The following PTPN2 variants were observed in gnomAD, a reference collection of about 807,000 sequenced individuals.
PTPN2 encodes tyrosine-protein phosphatase non-receptor type 2.
Under a neutral mutation model 57.3 loss-of-function variants are expected in PTPN2, and 19 were observed. The ratio of observed to expected loss-of-function variants is 0.33; its 90% CI spans 0.23 to 0.49. PTPN2 has a LOEUF of 0.49. Ranked by LOEUF, PTPN2 falls within the 20% of genes least tolerant of loss-of-function variation. The pLI, the probability that PTPN2 is intolerant of heterozygous loss-of-function variation, is 0.99. For synonymous variants in PTPN2, 153 were observed against 164.9 expected (o/e 0.93, Z 0.55); for missense variants, 358 against 501.1 (o/e 0.71, Z 2.73).
At chr18:12,863,302 T>G (rs148085081) in intron 1 of PTPN2, 27 of 152,044 alleles carry the variant, frequency 1.8e-4, no homozygotes, top group African/African-American at 5.8e-4. Context: ...GCCAAAAAAT[T>G]TTTTTAATTA....
chr18:12,846,246 T>A (rs2043201951), intron 2 of PTPN2, among the ~76,000 whole-genome samples: 1 of 152,208 alleles, frequency 6.6e-6, no homozygotes, highest in East Asian at 1.9e-4. Context: ...GAGGTACTAT[T>A]CCTCTTCTTA....
intron 1 of PTPN2, among the ~76,000 whole-genome samples, chr18:12,874,344 G>C (rs1157161887): frequency 7.2e-6 from 1 of 138,644 alleles, no homozygotes; most frequent in African/African-American, 2.7e-5. Context: ...CGTCTGGGAG[G>C]TGAGGGGCGC....
At chr18:12,833,286 T>G (rs1001791849) in intron 3 of PTPN2, among the ~76,000 whole-genome samples, 3 of 152,156 alleles carry the variant, frequency 2.0e-5, no homozygotes, top group African/African-American at 7.2e-5. Flanking sequence ...AAGAGCTGGG[T>G]TACTGCATCT....
intron 3 of PTPN2, among the ~76,000 whole-genome samples, chr18:12,834,665 C>A (rs964406795): frequency 6.6e-6 from 1 of 151,500 alleles, no homozygotes; most frequent in East Asian, 1.9e-4. Flanking sequence ...TCTACCCTAT[C>A]TTAGGTTACA....
intron 7 of PTPN2, among the ~76,000 whole-genome samples, chr18:12,807,137 C>T (rs1335384935): frequency 2.6e-5 from 4 of 151,966 alleles, no homozygotes; most frequent in Non-Finnish European, 5.9e-5. Flanking sequence ...ACCTGAATAG[C>T]CATTTCTTAA....
intron 2 of PTPN2, among the ~76,000 whole-genome samples, chr18:12,857,028 TCCAGCCTGGGTAACAGAGTGAGACA>T (rs1343132520): frequency 7.8e-4 from 95 of 122,220 alleles, no homozygotes; most frequent in African/African-American, 2.9e-3. Flanking sequence ...GCCACTGCAC[TCCAGCCTGGGTAACAGAGTGAGACA>T]CCATCTCAAA....
intron 5 of PTPN2, 30 bp downstream of exon 5, chr18:12,825,780 G>C: frequency 1.9e-6 from 3 of 1,580,808 alleles, no homozygotes; most frequent in Non-Finnish European, 2.6e-6. Context: ...ATCATATAAA[G>C]TCCACAATTT....
chr18:12,828,441 G>T (rs1261724232), intron 4 of PTPN2, among the ~76,000 whole-genome samples: 1 of 152,254 alleles, frequency 6.6e-6, no homozygotes, highest in African/African-American at 2.4e-5. Flanking sequence ...ATTAAAAATT[G>T]TAAACCATTT....
chr18:12,807,352 A>G (rs1452024547), intron 7 of PTPN2, among the ~76,000 whole-genome samples: 2 of 151,888 alleles, frequency 1.3e-5, no homozygotes, highest in Non-Finnish European at 2.9e-5. Context: ...TAGTACAGCC[A>G]TCTTGGAAAA....
intron 1 of PTPN2, among the ~76,000 whole-genome samples, chr18:12,874,011 G>A (rs2044373973): frequency 6.6e-6 from 1 of 150,522 alleles, no homozygotes; most frequent in African/African-American, 2.5e-5. Context: ...CCTCCACCTG[G>A]CAACCGCCCC....
At chr18:12,874,969 T>C (rs2044436545) in intron 1 of PTPN2, among the ~76,000 whole-genome samples, 1 of 152,044 alleles carries the variant, frequency 6.6e-6, no homozygotes, top group Non-Finnish European at 1.5e-5. Flanking sequence ...CTAAGAAAAA[T>C]TCTTCTGCCT....
chr18:12,870,405 G>GTA lies in PTPN2; in HGVS notation c.70-11153_70-11152dup, dbSNP rs1183023255. On this transcript the variant is annotated intron_variant, in intron 1 of 8. Coordinates refer to ENST00000309660, the MANE Select transcript of PTPN2 (RefSeq NM_002828.4). ...TATACGTATATATGTATATATACAC[G>GTA]TATATATATGTATATATATACGTAT... Among the ~76,000 whole-genome samples, 7 of 46,602 alleles carry GTA rather than the reference G, an allele frequency of 1.5e-4. 1 individual carries two copies. In the East Asian group the frequency reaches 3.8e-3, roughly 25 times the overall value. The allele number at this position is 46,602 out of a possible 152,430, so 30.6% of individuals were successfully genotyped here.
intron 7 of PTPN2, among the ~76,000 whole-genome samples, chr18:12,810,564 G>C (rs1407662455): frequency 1.3e-5 from 2 of 152,164 alleles, no homozygotes; most frequent in Non-Finnish European, 2.9e-5. Context: ...TCCTGTCTCA[G>C]ATTCCTGAGT....
chr18:12,869,726 C>T (rs2044121336), intron 1 of PTPN2, among the ~76,000 whole-genome samples: 1 of 152,054 alleles, frequency 6.6e-6, no homozygotes, highest in Non-Finnish European at 1.5e-5. Context: ...AAGGTAGGAC[C>T]TTAAGATAAT....
intron 5 of PTPN2, among the ~76,000 whole-genome samples, chr18:12,822,048 A>C (rs144340378): frequency 6.6e-6 from 1 of 152,324 alleles, no homozygotes; most frequent in East Asian, 1.9e-4. Context: ...AGAATGATAA[A>C]ATTTAAATTA....
chr18:12,813,771 C>A (rs1202758810), intron 7 of PTPN2, among the ~76,000 whole-genome samples: 1 of 152,122 alleles, frequency 6.6e-6, no homozygotes, highest in Non-Finnish European at 1.5e-5. Context: ...GAGAATAAAG[C>A]CACCAACCAG....
In PTPN2 at chr18:12,836,909, T is replaced by A; in HGVS notation, c.161-18A>T. The A allele has an allele frequency of 6.9e-7, 1 of 1,453,434 alleles. No homozygotes were observed. Among genetic ancestry groups the A allele is most frequent in the Non-Finnish European group, 9.6e-7 (1 of 1,038,354 alleles). The allele number at this position is 1,453,434 out of a possible 1,614,324, so 90.0% of individuals were successfully genotyped here. On this transcript the variant is annotated intron_variant, in intron 2 of 8. Transcript: ENST00000309660. The stretch of plus-strand genomic sequence containing the variant: ...GTGATCATCTGAAAATAGAGAATGA[T>A]AAACCACAACTGTCATTTCAAAATT...
At chr18:12,868,349 G>T (rs1452477861) in intron 1 of PTPN2, among the ~76,000 whole-genome samples, 2 of 152,034 alleles carry the variant, frequency 1.3e-5, no homozygotes, top group Non-Finnish European at 2.9e-5. Flanking sequence ...CGCCTCCCGG[G>T]TTCAAGTGAA....
At chr18:12,815,681 T>A (rs1261421710) in intron 6 of PTPN2, among the ~76,000 whole-genome samples, 1 of 152,212 alleles carries the variant, frequency 6.6e-6, no homozygotes, top group Non-Finnish European at 1.5e-5. Context: ...TTGATTGAAG[T>A]ATACTATATA....
Sources: allele counts gnomAD v4.1 joint callset (sites outside exome capture counted in the v4.1 genomes callset), GRCh38; gene constraint gnomAD v4.1.1; transcripts MANE v1.5; gene names NCBI Gene and HGNC (gene_info 2026-07-23, HGNC 2026-07-21).